The following SLC4A10 variants were observed in gnomAD, a reference collection of about 807,000 sequenced individuals.
SLC4A10 encodes the protein sodium-driven chloride bicarbonate exchanger.
A neutral mutation model predicts 137.7 loss-of-function variants in SLC4A10; 42 were observed. The ratio of observed to expected loss-of-function variants is 0.30; its 90% CI spans 0.24 to 0.39. The LOEUF (loss-of-function observed/expected upper bound fraction) is 0.39. SLC4A10 is among the 10% of genes least tolerant of loss of function. SLC4A10 has a pLI of 1.00. For synonymous variants in SLC4A10, 474 were observed against 464.1 expected (o/e 1.02, Z -0.27); for missense variants, 925 against 1,355.0 (o/e 0.68, Z 4.98).
At chr2:161,857,494 C>T (rs1418749636) in intron 5 of SLC4A10, among the ~76,000 whole-genome samples, 1 of 152,150 alleles carries the variant, frequency 6.6e-6, no homozygotes, top group Admixed American at 6.5e-5. Flanking sequence ...ATCATTATTA[C>T]TTTAGATTCC....
intron 23 of SLC4A10, among the ~76,000 whole-genome samples, chr2:161,970,731 G>A (rs895155820): frequency 2.6e-5 from 4 of 152,296 alleles, no homozygotes; most frequent in South Asian, 4.1e-4. Context: ...GTAATTAAAG[G>A]ATAACTATCT....
intron 1 of SLC4A10, among the ~76,000 whole-genome samples, chr2:161,751,901 A>G (rs1370947754): frequency 1.3e-5 from 2 of 151,926 alleles, no homozygotes; most frequent in African/African-American, 4.8e-5. Context: ...ACGTTTACTC[A>G]AGTACATCTT....
chr2:161,661,036 A>C (rs192930697), intron 1 of SLC4A10, among the ~76,000 whole-genome samples: 91 of 152,212 alleles, frequency 6.0e-4, no homozygotes, highest in African/African-American at 1.8e-3. Context: ...AGCACCCCAG[A>C]TCACATATTG....
chr2:161,955,536 A>G (rs1017879558), intron 19 of SLC4A10, among the ~76,000 whole-genome samples: 5 of 152,186 alleles, frequency 3.3e-5, no homozygotes, highest in African/African-American at 4.8e-5. Context: ...TGGTGTCAAC[A>G]TAGGAGGAAC....
At chr2:161,808,687 G>C (rs1245245006) in intron 3 of SLC4A10, among the ~76,000 whole-genome samples, 3 of 152,084 alleles carry the variant, frequency 2.0e-5, no homozygotes. Flanking sequence ...CTGTTCCTGA[G>C]TTAATTTTTT....
chr2:161,775,010 G>A (rs1330800961), intron 2 of SLC4A10, among the ~76,000 whole-genome samples: 2 of 151,960 alleles, frequency 1.3e-5, no homozygotes, highest in African/African-American at 4.8e-5. Context: ...TGGCTTAGGG[G>A]ACTCTAAACT....
intron 1 of SLC4A10, among the ~76,000 whole-genome samples, chr2:161,699,507 T>C (rs2042918378): frequency 6.6e-6 from 1 of 152,206 alleles, no homozygotes. Context: ...ACAGCATAGT[T>C]TAAGCATATA....
chr2:161,820,096 T>C (rs1435511569), intron 3 of SLC4A10, among the ~76,000 whole-genome samples: 2 of 152,202 alleles, frequency 1.3e-5, no homozygotes, highest in South Asian at 2.1e-4. Context: ...GTTTAAAATA[T>C]GGTACACAAA....
chr2:161,976,041 C>T (rs544264011), intron 24 of SLC4A10, among the ~76,000 whole-genome samples: 28 of 152,168 alleles, frequency 1.8e-4, no homozygotes, highest in Middle Eastern at 3.4e-3. Context: ...TAGGGGCAAG[C>T]GTTTAAGCAA....
intron 15 of SLC4A10, among the ~76,000 whole-genome samples, chr2:161,911,090 GTAAGT>G (rs1263260995): frequency 6.6e-6 from 1 of 151,602 alleles, no homozygotes; most frequent in Non-Finnish European, 1.5e-5. Context: ...AATGATAATG[GTAAGT>G]TAAGTATACA....
At chr2:161,630,287 GTCT>G (rs1190630383) in intron 1 of SLC4A10, among the ~76,000 whole-genome samples, 2 of 151,776 alleles carry the variant, frequency 1.3e-5, no homozygotes, top group Admixed American at 6.6e-5. Flanking sequence ...TTGGTTTGTA[GTCT>G]TCTTTTCTTA....
chr2:161,967,293 G>A (rs1314228695), intron 23 of SLC4A10, among the ~76,000 whole-genome samples: 1 of 152,116 alleles, frequency 6.6e-6, no homozygotes, highest in Non-Finnish European at 1.5e-5. Context: ...CAAGGGAATA[G>A]CGTCTTGGCC....
intron 18 of SLC4A10, among the ~76,000 whole-genome samples, chr2:161,950,104 G>A (rs1694532742): frequency 6.6e-6 from 1 of 151,870 alleles, no homozygotes; most frequent in African/African-American, 2.4e-5. Context: ...CTGTGACCAA[G>A]TATCTTTTTT....
At chr2:161,943,576 A>G (rs2105767626) in intron 16 of SLC4A10, among the ~76,000 whole-genome samples, 1 of 151,992 alleles carries the variant, frequency 6.6e-6, no homozygotes, top group Non-Finnish European at 1.5e-5. Context: ...CTTTCCTATC[A>G]ATACTTGCAT....
chr2:161,703,837 A>C (rs1404205773), intron 1 of SLC4A10, among the ~76,000 whole-genome samples: 2 of 151,692 alleles, frequency 1.3e-5, no homozygotes, highest in East Asian at 1.9e-4. Flanking sequence ...CTTCATCTGA[A>C]CTGACCCTAT....
At chr2:161,858,372 A>G (rs1322951584) in intron 5 of SLC4A10, among the ~76,000 whole-genome samples, 3 of 152,198 alleles carry the variant, frequency 2.0e-5, no homozygotes, top group Admixed American at 2.0e-4. Context: ...TAGACTTAGT[A>G]GCAGAAAATC....
At chr2:161,656,672 T>C (rs1420938284) in intron 1 of SLC4A10, among the ~76,000 whole-genome samples, 1 of 152,176 alleles carries the variant, frequency 6.6e-6, no homozygotes, top group Non-Finnish European at 1.5e-5. Context: ...AATTAATGTT[T>C]CGTGCCTGAG....
chr2:161,736,580 G>A (rs1163264495), intron 1 of SLC4A10, among the ~76,000 whole-genome samples: 2 of 152,024 alleles, frequency 1.3e-5, no homozygotes, highest in African/African-American at 4.8e-5. Context: ...CTGAGCAAAG[G>A]GGGAAAAGCC....
chr2:161,663,750 TTA>T (rs1181983980), intron 1 of SLC4A10, among the ~76,000 whole-genome samples: 9 of 152,032 alleles, frequency 5.9e-5, no homozygotes, highest in Non-Finnish European at 4.4e-5. Flanking sequence ...AATATAAAAT[TTA>T]TTTTATCTGC....
Sources: gnomAD v4.1 joint callset for allele counts (sites outside exome capture counted in the v4.1 genomes callset) on GRCh38, gnomAD v4.1.1 for gene constraint, MANE v1.5 for transcripts, NCBI Gene and HGNC (gene_info 2026-07-23, HGNC 2026-07-21) for gene names.